AKAP19: variants seen among roughly 807,000 people sequenced by gnomAD.
The protein encoded by AKAP19 is A-kinase anchoring protein 19.
At chr2:190,142,715 G>A in the AKAP19 span, among the ~76,000 whole-genome samples, 3 of 152,236 alleles carry the variant, frequency 2.0e-5, no homozygotes, top group African/African-American at 7.2e-5. Flanking sequence ...CGGGCTGGGG[G>A]AGGTCCCCAA....
chr2:190,173,639 G>A, the AKAP19 span, among the ~76,000 whole-genome samples: 1 of 152,164 alleles, frequency 6.6e-6, no homozygotes, highest in Non-Finnish European at 1.5e-5. Context: ...GGTTGAAAGG[G>A]AAGCTCACCA....
the AKAP19 span, among the ~76,000 whole-genome samples, chr2:190,084,555 G>A: frequency 2.0e-5 from 3 of 152,056 alleles, no homozygotes; most frequent in Non-Finnish European, 2.9e-5. Flanking sequence ...ATGTATTCAC[G>A]TAGTCAAAAA....
the AKAP19 span, among the ~76,000 whole-genome samples, chr2:190,049,103 GAA>G: frequency 2.0e-5 from 3 of 151,930 alleles, no homozygotes; most frequent in Non-Finnish European, 4.4e-5. Flanking sequence ...AAAAACGCAA[GAA>G]ATCATAAAGT....
chr2:190,038,971 T>TTCTTCTTCTTCTTC, the AKAP19 span, among the ~76,000 whole-genome samples: 1 of 99,026 alleles, frequency 1.0e-5, no homozygotes, highest in African/African-American at 3.8e-5. Flanking sequence ...CTTCTTCTTC[T>TTCTTCTTCTTCTTC]TTCTTCTTCT....
the AKAP19 span, among the ~76,000 whole-genome samples, chr2:189,958,435 A>T: frequency 6.6e-6 from 1 of 151,530 alleles, no homozygotes; most frequent in Admixed American, 6.6e-5. Flanking sequence ...ATAAATTGGT[A>T]AAAAGCACAT....
At chr2:190,024,277 C>T in the AKAP19 span, among the ~76,000 whole-genome samples, 1 of 150,670 alleles carries the variant, frequency 6.6e-6, no homozygotes, top group Non-Finnish European at 1.5e-5. Context: ...AGTGAGAAAT[C>T]ATCAAGGTAA....
chr2:190,043,598 A>T, the AKAP19 span, among the ~76,000 whole-genome samples: 7 of 151,996 alleles, frequency 4.6e-5, no homozygotes, highest in African/African-American at 1.7e-4. Context: ...GTATTGCTTC[A>T]TTGTGATTCA....
the AKAP19 span, among the ~76,000 whole-genome samples, chr2:190,130,865 C>T: frequency 2.0e-5 from 3 of 152,052 alleles, no homozygotes; most frequent in Admixed American, 6.6e-5. Flanking sequence ...TTAAATCTAC[C>T]CCTACCCTAC....
At chr2:189,984,534 A>G in the AKAP19 span, among the ~76,000 whole-genome samples, 1 of 152,152 alleles carries the variant, frequency 6.6e-6, no homozygotes, top group Non-Finnish European at 1.5e-5. Flanking sequence ...CATGCTGTAC[A>G]ATTTGTGCAG....
At chr2:189,961,624 C>G in the AKAP19 span, among the ~76,000 whole-genome samples, 3 of 151,926 alleles carry the variant, frequency 2.0e-5, no homozygotes, top group Non-Finnish European at 2.9e-5. Context: ...CTTAAAGTAT[C>G]AGACTCGGCT....
chr2:190,001,871 T>C, the AKAP19 span, among the ~76,000 whole-genome samples: 1 of 152,228 alleles, frequency 6.6e-6, no homozygotes, highest in Admixed American at 6.5e-5. Flanking sequence ...TTATCAAGAA[T>C]GTGATTGCCC....
At chr2:189,972,280 T>C in the AKAP19 span, among the ~76,000 whole-genome samples, 1 of 152,206 alleles carries the variant, frequency 6.6e-6, no homozygotes, top group Non-Finnish European at 1.5e-5. Flanking sequence ...TTGTCAAAGA[T>C]CAGATGGTTG....
chr2:190,139,764 GA>G, the AKAP19 span, among the ~76,000 whole-genome samples: 1 of 152,156 alleles, frequency 6.6e-6, no homozygotes, highest in Non-Finnish European at 1.5e-5. Flanking sequence ...TTTGGGTGCA[GA>G]CACAGCCAAA....
At chr2:189,938,195 A>C in the AKAP19 span, among the ~76,000 whole-genome samples, 3 of 151,920 alleles carry the variant, frequency 2.0e-5, no homozygotes, top group Non-Finnish European at 2.9e-5. Flanking sequence ...AATTAGCTGG[A>C]CATGGCGGCA....
At chr2:190,164,283 C>T in the AKAP19 span, among the ~76,000 whole-genome samples, 1 of 152,142 alleles carries the variant, frequency 6.6e-6, no homozygotes, top group Non-Finnish European at 1.5e-5. Context: ...GCCTGTTATC[C>T]CAGCACTTTG....
the AKAP19 span, among the ~76,000 whole-genome samples, chr2:189,955,467 T>C: frequency 6.6e-6 from 1 of 152,198 alleles, no homozygotes; most frequent in Non-Finnish European, 1.5e-5. Flanking sequence ...GTCTTTTTCT[T>C]TGGGTAGGTA....
the AKAP19 span, among the ~76,000 whole-genome samples, chr2:189,910,676 T>C: frequency 2.3e-4 from 35 of 152,046 alleles, no homozygotes; most frequent in South Asian, 1.2e-3. Context: ...ATAATCAGTA[T>C]TTAAAACTAG....
the AKAP19 span, among the ~76,000 whole-genome samples, chr2:189,913,779 G>T: frequency 6.6e-6 from 1 of 152,090 alleles, no homozygotes; most frequent in Non-Finnish European, 1.5e-5. Flanking sequence ...GTTCAAATGT[G>T]TGACCATTTT....
chr2:190,151,459 T>C, the AKAP19 span, among the ~76,000 whole-genome samples: 1 of 152,190 alleles, frequency 6.6e-6, no homozygotes, highest in Admixed American at 6.5e-5. Context: ...GAATAAGCAG[T>C]ATTTGGTTTT....
Sources: gnomAD v4.1 joint callset for allele counts (sites outside exome capture counted in the v4.1 genomes callset) on GRCh38, gnomAD v4.1.1 for gene constraint, MANE v1.5 for transcripts, NCBI Gene and HGNC (gene_info 2026-07-23, HGNC 2026-07-21) for gene names.